The following CLIP2 variants were observed in gnomAD, a reference collection of about 807,000 sequenced individuals.
CLIP2 encodes CAP-Gly domain-containing linker protein 2.
CLIP2 carries 41 observed loss-of-function variants against 111.7 expected under a neutral mutation model. That is an observed-to-expected ratio of 0.37 (90% CI 0.29 to 0.48). CLIP2 has a LOEUF of 0.48. Ranked by LOEUF, CLIP2 falls within the 20% of genes least tolerant of loss-of-function variation. CLIP2 has a pLI of 0.99. For synonymous variants in CLIP2, 660 were observed against 644.2 expected, an observed-to-expected ratio of 1.02 and a Z score of -0.37; for missense variants, 1,160 against 1,422.1, an observed-to-expected ratio of 0.82 and a Z score of 2.96.
At chr7:74,336,001 CAA>C (rs1343374867) in intron 2 of CLIP2, among the ~76,000 whole-genome samples, 2 of 93,844 alleles carry the variant, frequency 2.1e-5, no homozygotes, top group Non-Finnish European at 6.0e-5. Context: ...CTCGGCCTCC[CAA>C]AGTGCTGGGA....
intron 1 of CLIP2, among the ~76,000 whole-genome samples, chr7:74,303,334 AGTG>A (rs1788390405): frequency 6.6e-6 from 1 of 152,148 alleles, no homozygotes; most frequent in African/African-American, 2.4e-5. Flanking sequence ...GCCAGCCTGG[AGTG>A]GTGTTACACC....
At chr7:74,335,214 T>C (rs1158070111) in intron 2 of CLIP2, among the ~76,000 whole-genome samples, 1 of 139,078 alleles carries the variant, frequency 7.2e-6, no homozygotes, top group East Asian at 2.1e-4. Context: ...GAGGTTGGAG[T>C]GAGCCGAGAT....
At position 74,404,103 on chromosome 7, in the gene CLIP2, C is replaced by T. The variant is rs1427628908; in HGVS notation, c.*255C>T. 2 of 499,746 alleles carry T rather than the reference C, an allele frequency of 4.0e-6. No individual in the cohort carries two copies. The highest frequency in any genetic ancestry group is 7.4e-6 in the Non-Finnish European group (2 of 272,096). The allele number at this position is 499,746 out of a possible 1,614,324, so 31.0% of individuals were successfully genotyped here. ...CTGACCCGGGGACCTTCAGCCTGGACACCCGGCAGCTTCTGGAGTTTGTCA... is the reference window on the plus strand; with the variant it reads ...CTGACCCGGGGACCTTCAGCCTGGATACCCGGCAGCTTCTGGAGTTTGTCA... On this transcript the variant is annotated 3_prime_UTR_variant, in exon 17 of 17. Coordinates refer to ENST00000223398, the MANE Select transcript of CLIP2 (RefSeq NM_003388.5).
intron 1 of CLIP2, among the ~76,000 whole-genome samples, chr7:74,301,671 C>T (rs1348340110): frequency 3.3e-5 from 5 of 151,286 alleles, no homozygotes; most frequent in Non-Finnish European, 5.9e-5. Flanking sequence ...GGATTACAGG[C>T]GTGAGCCACT....
intron 10 of CLIP2, among the ~76,000 whole-genome samples, chr7:74,379,097 G>C (rs1311491085): frequency 6.6e-6 from 1 of 152,182 alleles, no homozygotes; most frequent in East Asian, 1.9e-4. Flanking sequence ...ACAGAGGCCT[G>C]AGGATGCCTC....
intron 10 of CLIP2, among the ~76,000 whole-genome samples, chr7:74,378,294 A>G (rs1324747370): frequency 6.6e-6 from 1 of 150,648 alleles, no homozygotes; most frequent in Non-Finnish European, 1.5e-5. Context: ...CACCTGGCTA[A>G]TTTTTATAGT....
intron 11 of CLIP2, chr7:74,381,447 G>C (rs887386130): frequency 3.0e-6 from 1 of 332,034 alleles, no homozygotes; most frequent in Non-Finnish European, 6.0e-6. Context: ...TTGGCCTCCC[G>C]AAGTGTTGGG....
chr7:74,404,700 T>A lies in CLIP2; in HGVS notation c.*852T>A, dbSNP rs534225570. On this transcript the variant is annotated 3_prime_UTR_variant, in exon 17 of 17. Coordinates refer to ENST00000223398, the MANE Select transcript of CLIP2 (RefSeq NM_003388.5). ...TCTAGGCAGGTTTGACAAAGGTCAG[T>A]AATACGGTTTCCCCTGGGGTTGACC... is the stretch of plus-strand genomic sequence containing the variant. 8 of 152,590 alleles carry A rather than the reference T, an allele frequency of 5.2e-5. No individual in the cohort carries two copies. The highest frequency in any genetic ancestry group is 1.7e-4 in the African/African-American group (7 of 41,528). The allele number at this position is 152,590 out of a possible 1,614,324, so 9.5% of individuals were successfully genotyped here.
At chr7:74,307,295 G>A (rs1365916358) in intron 1 of CLIP2, among the ~76,000 whole-genome samples, 2 of 152,152 alleles carry the variant, frequency 1.3e-5, no homozygotes, top group Non-Finnish European at 1.5e-5. Flanking sequence ...GGCTGGGCTC[G>A]GCAGGATGGG....
chr7:74,302,948 T>A (rs1788378832), intron 1 of CLIP2, among the ~76,000 whole-genome samples: 2 of 152,180 alleles, frequency 1.3e-5, no homozygotes, highest in South Asian at 4.1e-4. Flanking sequence ...GTACCTCTAC[T>A]GCTGGCCAGC....
At chr7:74,343,132 G>A (rs1344824193) in intron 3 of CLIP2, among the ~76,000 whole-genome samples, 2 of 151,626 alleles carry the variant, frequency 1.3e-5, no homozygotes, top group African/African-American at 4.8e-5. Flanking sequence ...AGGTTGCAGT[G>A]AGCTGAGATG....
intron 1 of CLIP2, among the ~76,000 whole-genome samples, chr7:74,295,139 T>C (rs1554725890): frequency 6.6e-6 from 1 of 152,132 alleles, no homozygotes; most frequent in Admixed American, 6.6e-5. Context: ...ATTTTTATAT[T>C]TTTTTGTAGA....
chr7:74,353,282 G>A (rs1212766601), intron 3 of CLIP2, among the ~76,000 whole-genome samples: 2 of 140,366 alleles, frequency 1.4e-5, no homozygotes, highest in South Asian at 2.2e-4. Flanking sequence ...TCAGAGTCTC[G>A]CCCTGTTGCC....
chr7:74,318,059 G>A (rs1192993012), intron 2 of CLIP2, among the ~76,000 whole-genome samples: 2 of 151,876 alleles, frequency 1.3e-5, no homozygotes, highest in Non-Finnish European at 2.9e-5. Flanking sequence ...TTAGCCAGGC[G>A]TGGTGGCAGG....
At chr7:74,328,176 C>T (rs919774856) in intron 2 of CLIP2, among the ~76,000 whole-genome samples, 1 of 152,046 alleles carries the variant, frequency 6.6e-6, no homozygotes, top group Admixed American at 6.6e-5. Flanking sequence ...CTCCCTGGAG[C>T]AGGCATGGAC....
At chr7:74,323,422 CTTTTCTTTTTTT>C (rs1204985500) in intron 2 of CLIP2, among the ~76,000 whole-genome samples, 9 of 150,062 alleles carry the variant, frequency 6.0e-5, no homozygotes, top group South Asian at 2.1e-4. Context: ...TTTTCCTTTT[CTTTTCTTTTTTT>C]TTTTCTTTTT....
chr7:74,295,888 C>T (rs1235554794), intron 1 of CLIP2, among the ~76,000 whole-genome samples: 1 of 148,454 alleles, frequency 6.7e-6, no homozygotes, highest in Non-Finnish European at 1.5e-5. Context: ...ACTCTGGATG[C>T]TGAGGCAGGA....
chr7:74,370,477 T>C (rs1790586919), intron 8 of CLIP2, among the ~76,000 whole-genome samples: 1 of 151,538 alleles, frequency 6.6e-6, no homozygotes, highest in Admixed American at 6.6e-5. Flanking sequence ...AAAAACTAAT[T>C]TAAAAATAAA....
At position 74,338,476 on chromosome 7, in the gene CLIP2, A is replaced by G. The variant is rs781872150; in HGVS notation, c.150A>G (p.Gly50=). The G allele has an allele frequency of 3.7e-6, 6 of 1,611,538 alleles. No homozygotes were observed. Among genetic ancestry groups the G allele is most frequent in the Non-Finnish European group, 5.1e-6 (6 of 1,179,510 alleles). Residue 50 remains glycine, a synonymous_variant, in exon 3 of 17, where the codon GGA becomes GGG. Transcript: ENST00000223398. This position sits in a 1 kb window ranked among gnomAD's most constrained non-coding sequence, Gnocchi z 4.3. ...EGSPLHKQSS[G]PSSSPAAAAA... ...CCCCACTGCACAAACAGTCATCTGG[A>G]CCCTCCTCCTCCCCGGCCGCAGCTG...
Sources: gnomAD v4.1 joint callset for allele counts (sites outside exome capture counted in the v4.1 genomes callset) on GRCh38, gnomAD v4.1.1 for gene constraint, Gnocchi (gnomAD v3.1) non-coding constraint, MANE v1.5 for transcripts, NCBI Gene and HGNC (gene_info 2026-07-23, HGNC 2026-07-21) for gene names.